HDAC9: variants seen among roughly 807,000 people sequenced by gnomAD.
HDAC9 encodes histone deacetylase 9, also known as MEF-2 interacting transcription repressor (MITR) protein.
HDAC9 carries 41 observed loss-of-function variants against 139.4 expected under a neutral mutation model. That is an observed-to-expected ratio of 0.29 (90% CI 0.23 to 0.38). The LOEUF (loss-of-function observed/expected upper bound fraction) is 0.38. HDAC9 is among the 10% of genes least tolerant of loss of function. The pLI, the probability that HDAC9 is intolerant of heterozygous loss-of-function variation, is 1.00. For missense variants in HDAC9, 1,147 were observed against 1,297.0 expected, an observed-to-expected ratio of 0.88 and a Z score of 1.78; for synonymous variants, 517 against 476.2, an observed-to-expected ratio of 1.09 and a Z score of -1.12.
At chr7:18,635,656 C>A (rs144537075) in intron 8 of HDAC9, among the ~76,000 whole-genome samples, 3 of 152,178 alleles carry the variant, frequency 2.0e-5, no homozygotes, top group African/African-American at 7.2e-5. Flanking sequence ...CTTCACTGTG[C>A]ATTGCTCTGT....
chr7:18,271,441 T>G (rs1162195731), intron 2 of HDAC9, among the ~76,000 whole-genome samples: 1 of 152,178 alleles, frequency 6.6e-6, no homozygotes. Context: ...CACCATGGTG[T>G]TGGACTGAAC....
At chr7:18,863,975 T>C (rs951188919) in intron 21 of HDAC9, among the ~76,000 whole-genome samples, 3 of 152,192 alleles carry the variant, frequency 2.0e-5, no homozygotes, top group African/African-American at 7.2e-5. Flanking sequence ...TTCGATTCTT[T>C]TGGATAAACA....
intron 1 of HDAC9, among the ~76,000 whole-genome samples, chr7:18,338,751 G>C (rs1439005160): frequency 6.6e-6 from 1 of 151,306 alleles, no homozygotes; most frequent in African/African-American, 2.4e-5. Context: ...TCAGATTTTG[G>C]TATCAGGGTA....
intron 2 of HDAC9, among the ~76,000 whole-genome samples, chr7:18,264,325 T>G (rs1795868757): frequency 6.6e-6 from 1 of 152,030 alleles, no homozygotes; most frequent in Non-Finnish European, 1.5e-5. Context: ...AAGTATATTC[T>G]CCAACTACAA....
chr7:18,808,245 T>C (rs1793886858), intron 17 of HDAC9: 1 of 152,146 alleles, frequency 6.6e-6, no homozygotes, highest in Admixed American at 6.6e-5. Flanking sequence ...GATGAATGAG[T>C]TGACAGATGT....
chr7:18,424,517 T>C (rs1315228169), intron 1 of HDAC9, among the ~76,000 whole-genome samples: 3 of 152,228 alleles, frequency 2.0e-5, no homozygotes, highest in South Asian at 2.1e-4. Context: ...GTGGAAGTCA[T>C]GTAGTAGTAT....
At chr7:18,257,431 ACACAC>A (rs1562802061) in intron 2 of HDAC9, among the ~76,000 whole-genome samples, 3 of 150,552 alleles carry the variant, frequency 2.0e-5, no homozygotes, top group African/African-American at 7.4e-5. Context: ...ACACACACAC[ACACAC>A]AAAAAGAAAA....
intron 1 of HDAC9, among the ~76,000 whole-genome samples, chr7:18,474,198 A>G (rs1019201204): frequency 6.6e-6 from 1 of 152,166 alleles, no homozygotes; most frequent in Non-Finnish European, 1.5e-5. Context: ...TTTAAAAACA[A>G]CAATGTGGCA....
intron 2 of HDAC9, among the ~76,000 whole-genome samples, chr7:18,254,446 A>G (rs575066317): frequency 8.5e-5 from 13 of 152,344 alleles, no homozygotes; most frequent in African/African-American, 3.1e-4. Context: ...TTTGTGAAAT[A>G]TTAATTGCTA....
intron 2 of HDAC9, among the ~76,000 whole-genome samples, chr7:18,574,140 T>G (rs1034724481): frequency 6.6e-6 from 1 of 152,224 alleles, no homozygotes; most frequent in African/African-American, 2.4e-5. Context: ...CAGGTCATCC[T>G]GACGAGTGTC....
chr7:18,705,593 G>A (rs1783823507), intron 12 of HDAC9, among the ~76,000 whole-genome samples: 1 of 152,122 alleles, frequency 6.6e-6, no homozygotes, highest in African/African-American at 2.4e-5. Context: ...GCTCATGCCT[G>A]TAATCCTAGC....
intron 1 of HDAC9, among the ~76,000 whole-genome samples, chr7:18,443,944 GTATGTATGTATA>G (rs1792044666): frequency 6.6e-6 from 1 of 151,604 alleles, no homozygotes; most frequent in African/African-American, 2.4e-5. Context: ...ATATATGTAT[GTATGTATGTATA>G]TATGTATGTA....
At chr7:18,699,160 A>T (rs1445747376) in intron 12 of HDAC9, among the ~76,000 whole-genome samples, 1 of 152,052 alleles carries the variant, frequency 6.6e-6, no homozygotes, top group African/African-American at 2.4e-5. Context: ...AAGACTTCTG[A>T]CTCACACCTT....
chr7:18,956,652 A>C (rs1440724644), intron 24 of HDAC9, among the ~76,000 whole-genome samples: 2 of 152,134 alleles, frequency 1.3e-5, no homozygotes, highest in Admixed American at 1.3e-4. Context: ...CTTCACATCT[A>C]CTCAAAAGGA....
At chr7:18,173,683 A>G (rs948772860) in intron 2 of HDAC9, among the ~76,000 whole-genome samples, 6 of 152,272 alleles carry the variant, frequency 3.9e-5, no homozygotes, top group Admixed American at 1.3e-4. Context: ...GCTTGTCTGT[A>G]AAGGATTTTA....
chr7:18,152,561 G>T (rs1786858198), intron 1 of HDAC9, among the ~76,000 whole-genome samples: 1 of 152,156 alleles, frequency 6.6e-6, no homozygotes, highest in Non-Finnish European at 1.5e-5. Flanking sequence ...GATTCAGAAG[G>T]TCTCAGATAA....
At chr7:18,452,846 T>A (rs552188455) in intron 1 of HDAC9, among the ~76,000 whole-genome samples, 69 of 152,296 alleles carry the variant, frequency 4.5e-4, no homozygotes, top group African/African-American at 1.5e-3. Context: ...GAACTGTGAC[T>A]CCTTTAAACC....
At chr7:18,935,225 T>C (rs1781544411) in intron 22 of HDAC9, among the ~76,000 whole-genome samples, 1 of 152,124 alleles carries the variant, frequency 6.6e-6, no homozygotes, top group South Asian at 2.1e-4. Context: ...AAAGCAGATA[T>C]TTGTCATATT....
At position 19,002,231 on chromosome 7, in the gene HDAC9, T is replaced by C. The variant is rs955296058; in HGVS notation, c.*6169T>C. On this transcript the variant is annotated 3_prime_UTR_variant, in exon 26 of 26. Transcript: ENST00000686413. ...ACCATTGTTGAACATGCTCATGGAATGTCCACCTTCTTCTGATTCCTTTTT... is the reference window on the plus strand; with the variant it reads ...ACCATTGTTGAACATGCTCATGGAACGTCCACCTTCTTCTGATTCCTTTTT... The C allele has an allele frequency of 6.6e-6, 1 of 152,174 alleles. No individual in the cohort carries two copies. Among genetic ancestry groups the C allele is most frequent in the Non-Finnish European group, 1.5e-5 (1 of 67,984 alleles). The allele number at this position is 152,174 out of a possible 1,614,324, so 9.4% of individuals were successfully genotyped here. A position where few individuals can be genotyped will look rare whatever the true frequency, so the allele number is the denominator to read the frequency against.
Sources: gnomAD v4.1 joint callset for allele counts (sites outside exome capture counted in the v4.1 genomes callset) on GRCh38, gnomAD v4.1.1 for gene constraint, MANE v1.5 for transcripts, NCBI Gene and HGNC (gene_info 2026-07-23, HGNC 2026-07-21) for gene names.